Variants in CYB5R1 observed in about 807,000 individuals in gnomAD.
The protein encoded by CYB5R1 is cytochrome b5 reductase 1, also known as NADH-cytochrome b5 reductase 1.
Under a neutral mutation model 37.4 loss-of-function variants are expected in CYB5R1, and 32 were observed. The ratio of observed to expected loss-of-function variants is 0.86; its 90% confidence interval spans 0.65 to 1.15. The LOEUF (loss-of-function observed/expected upper bound fraction) is 1.15. Ranked by LOEUF, CYB5R1 falls within the 50% of genes most tolerant of loss-of-function variation. The pLI, the probability that CYB5R1 is intolerant of heterozygous loss-of-function variation, is 0.00. For synonymous variants in CYB5R1, 159 were observed against 155.2 expected (o/e 1.02, Z -0.18); for missense variants, 345 against 382.5 (o/e 0.90, Z 0.82).
In CYB5R1 at chr1:202,963,850, A is replaced by G; in HGVS notation, c.560-123T>C. The G allele has an allele frequency of 5.5e-6, 3 of 543,082 alleles. No individual in the cohort carries two copies. In the South Asian group the frequency reaches 9.7e-5, roughly 18 times the overall value. The allele number at this position is 543,082 out of a possible 1,614,324, so 33.6% of individuals were successfully genotyped here. A position where few individuals can be genotyped will look rare whatever the true frequency, so the allele number is the denominator to read the frequency against. On this transcript the variant is annotated intron_variant, in intron 6 of 8. Coordinates refer to ENST00000367249, the MANE Select transcript of CYB5R1 (RefSeq NM_016243.3). ...TCACCACTCCACTCCATTTTCCTTT[A>G]GCATTCTCATCCTCTAAACTCTTCC...
intron 2 of CYB5R1, 34 bp from the exon 3 acceptor site, chr1:202,966,634 C>A: frequency 4.3e-6 from 7 of 1,614,052 alleles, no homozygotes; most frequent in Non-Finnish European, 5.9e-6. Context: ...TTTCACCAAG[C>A]GCGCCTGGCG....
intron 4 of CYB5R1, 80 bp downstream of exon 4, chr1:202,965,807 T>C: frequency 9.6e-7 from 1 of 1,042,162 alleles, no homozygotes; most frequent in Non-Finnish European, 1.5e-6. Flanking sequence ...CATTTCCTGC[T>C]GTCAGGCAAA....
intron 4 of CYB5R1, 27 bp from the exon 5 acceptor site, chr1:202,965,527 TA>T: frequency 1.9e-6 from 3 of 1,554,064 alleles, no homozygotes; most frequent in African/African-American, 1.4e-5. Flanking sequence ...AAAAATACCT[TA>T]TTTGGAATGT....
In CYB5R1 at chr1:202,967,194, C is replaced by T. The variant is rs371484143; in HGVS notation, c.12G>A (p.Gln4=). 4.3e-6 allele frequency: 7 copies of T among 1,611,332 alleles called. No homozygotes were observed. The highest frequency in any genetic ancestry group is 5.1e-6 in the Non-Finnish European group (6 of 1,178,856). Reference sequence around the variant, plus strand: ...GGATACTGAATGAGGGTCTTACCGTCTGGATCCCCATGACGGAGCGCCTTT... The same window carrying T: ...GGATACTGAATGAGGGTCTTACCGTTTGGATCCCCATGACGGAGCGCCTTT... MGI[Q]TSPVLLASLG... Residue 4 remains glutamine (Q), a synonymous_variant, in exon 1 of 9, where the codon CAG becomes CAA. Transcript: ENST00000367249.
chr1:202,964,651 G>C lies in CYB5R1; in HGVS notation c.520C>G (p.Arg174Gly). Residue 174 changes from arginine (R) to glycine (G), a missense_variant, in exon 6 of 9, where the codon CGA becomes GGA. Arg to Gly is a moderately radical substitution (Grantham distance 125). Coordinates refer to ENST00000367249, the MANE Select transcript of CYB5R1 (RefSeq NM_016243.3). ...ATCATTCCCAGTTTCTTCGCCACTC[G>C]GGGTTCTGGTGGAGATTTCTTGTTG... ...QPNKKSPPEP[R>G]VAKKLGMIAG... 5 of 1,613,846 alleles carry C rather than the reference G, an allele frequency of 3.1e-6. No individual in the cohort carries two copies. Among genetic ancestry groups the C allele is most frequent in the Non-Finnish European group, 4.2e-6 (5 of 1,179,798 alleles).
intron 3 of CYB5R1, 99 bp downstream of exon 3, chr1:202,966,429 G>A (rs1571578103): frequency 7.3e-7 from 1 of 1,366,242 alleles, no homozygotes; most frequent in African/African-American, 1.4e-5. Flanking sequence ...AATGGTGTGT[G>A]GAGCAAACCG....
chr1:202,966,389 G>A, intron 3 of CYB5R1, 139 bp downstream of exon 3: 1 of 959,058 alleles, frequency 1.0e-6, no homozygotes, highest in Non-Finnish European at 1.6e-6. Flanking sequence ...CTCACAGCTT[G>A]GAGGATGCAG....
chr1:202,966,994 C>T (rs1458103105), intron 1 of CYB5R1, 96 bp from the exon 2 acceptor site: 1 of 1,481,624 alleles, frequency 6.7e-7, no homozygotes, highest in Non-Finnish European at 9.0e-7. Flanking sequence ...AGCTCCAGCG[C>T]GGAGGCATGC....
At chr1:202,966,015 A>G (rs769450045) in intron 3 of CYB5R1, 22 bp from the exon 4 acceptor site, 11 of 1,494,082 alleles carry the variant, frequency 7.4e-6, no homozygotes, top group Admixed American at 6.7e-5. Flanking sequence ...GCAGAGAGCT[A>G]CATAAGGGTT....
chr1:202,962,600 G>A lies in CYB5R1; in HGVS notation c.845C>T (p.Pro282Leu). The change falls in exon 9 of 9, where the codon CCA (proline) becomes CTA (leucine). Residue 282 changes from proline to leucine, a missense_variant. Transcript: ENST00000367249. ...DVLVLLCGPPPMVQLACHPNL... is the reference protein window; with the variant it reads ...DVLVLLCGPPLMVQLACHPNL... Reference sequence around the variant, plus strand: ...GGGATGGCAGGCCAGCTGCACCATTGGGGGTGGCCCACAAAGCAGTACCAG... The same window carrying A: ...GGGATGGCAGGCCAGCTGCACCATTAGGGGTGGCCCACAAAGCAGTACCAG... The A allele has an allele frequency of 6.2e-7, 1 of 1,614,096 alleles. No individual in the cohort carries two copies. Among genetic ancestry groups the A allele is most frequent in the Non-Finnish European group, 8.5e-7 (1 of 1,180,014 alleles).
chr1:202,965,536 T>A, intron 4 of CYB5R1, 36 bp from the exon 5 acceptor site: 1 of 1,550,782 alleles, frequency 6.4e-7, no homozygotes. Context: ...TTATTTGGAA[T>A]GTCACTGGTT....
In CYB5R1 at chr1:202,966,003, G is replaced by T. The variant is rs761478191; in HGVS notation, c.239-10C>A. On this transcript the variant is annotated splice_polypyrimidine_tract_variant and intron_variant, in intron 3 of 8. Coordinates refer to ENST00000367249, the MANE Select transcript of CYB5R1 (RefSeq NM_016243.3). Reference sequence around the variant, plus strand: ...AGGTAGATATGTTTGCCTGGGGACCGTGCAGAGAGCTACATAAGGGTTGTC... The same window carrying T: ...AGGTAGATATGTTTGCCTGGGGACCTTGCAGAGAGCTACATAAGGGTTGTC... 1.3e-6 allele frequency: 2 copies of T among 1,573,948 alleles called. No individual in the cohort carries two copies. The highest frequency in any genetic ancestry group is 1.7e-6 in the Non-Finnish European group (2 of 1,143,890).
At chr1:202,967,163 A>C (rs1655114286) in intron 1 of CYB5R1, 28 bp downstream of exon 1, 1 of 1,608,148 alleles carries the variant, frequency 6.2e-7, no homozygotes, top group Non-Finnish European at 8.5e-7. Flanking sequence ...GGGGTCCCCC[A>C]GTGGAGGATA....
At chr1:202,964,120 A>G (rs1285334180) in intron 6 of CYB5R1, 1 of 189,558 alleles carries the variant, frequency 5.3e-6, no homozygotes, top group Non-Finnish European at 1.1e-5. Flanking sequence ...ATTTTGCTCC[A>G]GGCCATTACC....
At position 202,966,895 on chromosome 1, in the gene CYB5R1, G is replaced by T. The variant is rs143624135; in HGVS notation, c.19C>A (p.Pro7Thr). Residue 7 changes from proline (P) to threonine (T), a missense_variant, in exon 2 of 9, where the codon CCC becomes ACC. Physicochemically the swap from Pro to Thr is conservative, Grantham distance 38. Transcript: ENST00000367249. ...ACCCCCAGGGAGGCCAGCAGGACGG[G>T]GCTCTGTGGGTAGAGGAGGCAGCGT... MGIQTSPVLLASLGVGL... is the reference protein window; with the variant it reads MGIQTSTVLLASLGVGL... 1 of 1,606,964 alleles carries T rather than the reference G, an allele frequency of 6.2e-7. No homozygotes were observed. The highest frequency in any genetic ancestry group is 2.2e-5 in the East Asian group (1 of 44,692).
Position 202,965,782 on chromosome 1 carries a change from CCA to C in CYB5R1, c.345+103_345+104del. 1.2e-5 allele frequency: 10 copies of C among 834,220 alleles called. No homozygotes were observed. The Middle Eastern group carries it at 2.3e-3, about 191-fold the overall frequency. The allele number at this position is 834,220 out of a possible 1,614,324, so 51.7% of individuals were successfully genotyped here. On this transcript the variant is annotated intron_variant, in intron 4 of 8. Coordinates refer to ENST00000367249, the MANE Select transcript of CYB5R1 (RefSeq NM_016243.3). ...TGAGTAGCTCATACTTTCTTCACATCCACAGAGTACATACCATTTCCTGCTGT... is the reference window on the plus strand; with the variant it reads ...TGAGTAGCTCATACTTTCTTCACATCCAGAGTACATACCATTTCCTGCTGT...
At position 202,965,444 on chromosome 1, in the gene CYB5R1, G is replaced by A. The variant is rs766155049; in HGVS notation, c.402C>T (p.Tyr134=). The change falls in exon 5 of 9, where the codon TAC becomes TAT. Residue 134 remains tyrosine, a synonymous_variant. Transcript: ENST00000367249. The part of the protein sequence containing the change: ...KFPEGGKMSQ[Y]LDSLKVGDVV... ...CATCCCCAACCTTCAGGCTATCCAG[G>A]TACTGAGACATCTTCCCTCCCTCAG... 6.2e-7 allele frequency: 1 copy of A among 1,606,254 alleles called. No homozygotes were observed. Among genetic ancestry groups the A allele is most frequent in the South Asian group, 1.1e-5 (1 of 90,146 alleles).
At position 202,962,425 on chromosome 1, in the gene CYB5R1, G is replaced by T; in HGVS notation, c.*102C>A. The T allele has an allele frequency of 7.1e-7, 1 of 1,413,424 alleles. No individual in the cohort carries two copies. Among genetic ancestry groups the T allele is most frequent in the Non-Finnish European group, 9.6e-7 (1 of 1,045,244 alleles). The allele number at this position is 1,413,424 out of a possible 1,614,324, so 87.6% of individuals were successfully genotyped here. Reference sequence around the variant, plus strand: ...CCAGATTTCAGCTCTAGATGTAACTGAAAAAACCTGAAACTCTGAGGAAAG... The same window carrying T: ...CCAGATTTCAGCTCTAGATGTAACTTAAAAAACCTGAAACTCTGAGGAAAG... On this transcript the variant is annotated 3_prime_UTR_variant, in exon 9 of 9. Transcript: ENST00000367249.
Position 202,966,595 on chromosome 1 carries a change from C to T in CYB5R1, c.171G>A (p.Val57=), listed in dbSNP as rs1127217. The change falls in exon 3 of 9, where the codon GTG becomes GTA. Residue 57 remains valine, a synonymous_variant. Transcript: ENST00000367249. ...YLLRLLDKTT[V]SHNTKRFRFA... ...AGCGGAACCTCTTGGTGTTGTGGCT[C>T]ACAGTCTGGAGGGTGGAGGACACAA... 9.9e-6 allele frequency: 16 copies of T among 1,614,066 alleles called. No homozygotes were observed. The highest frequency in any genetic ancestry group is 1.3e-5 in the African/African-American group (1 of 74,920).
Sources: allele counts gnomAD v4.1 joint callset, GRCh38; gene constraint gnomAD v4.1.1; transcripts MANE v1.5; gene names NCBI Gene and HGNC (gene_info 2026-07-23, HGNC 2026-07-21).